The following PTPRM variants were observed in gnomAD, a reference collection of about 807,000 sequenced individuals.
The protein encoded by PTPRM is protein tyrosine phosphatase receptor type M.
PTPRM carries 47 observed loss-of-function variants against 186.7 expected under a neutral mutation model. That is an observed-to-expected ratio of 0.25 (90% CI 0.20 to 0.32). The LOEUF is 0.32. Ranked by LOEUF, PTPRM falls within the 10% of genes least tolerant of loss-of-function variation. The pLI, the probability that PTPRM is intolerant of heterozygous loss-of-function variation, is 1.00. For synonymous variants in PTPRM, 668 were observed against 674.9 expected (o/e 0.99, Z 0.16); for missense variants, 1,494 against 1,865.0 (o/e 0.80, Z 3.66).
At chr18:8,309,371 A>T (rs992711952) in intron 20 of PTPRM, among the ~76,000 whole-genome samples, 18 of 152,146 alleles carry the variant, frequency 1.2e-4, no homozygotes, top group African/African-American at 4.3e-4. Flanking sequence ...ATGGTATCTC[A>T]TTGTAAGCTG....
rs535183780 is a variant in PTPRM, at chr18:7,616,649, C to T, written c.73+48758C>T. Reference sequence around the variant, plus strand: ...CCCGGGCACCCCTCACTCGTGGGCCCGCCTCTTTCCTCTTTGTCTCCCATC... The same window carrying T: ...CCCGGGCACCCCTCACTCGTGGGCCTGCCTCTTTCCTCTTTGTCTCCCATC... On this transcript the variant is annotated intron_variant, in intron 1 of 32. Coordinates refer to ENST00000580170, the MANE Select transcript of PTPRM (RefSeq NM_001105244.2). Among the ~76,000 whole-genome samples the T allele has an allele frequency of 5.1e-4, 77 of 152,300 alleles. No homozygotes were observed. The East Asian group carries it at 6.4e-3, about 13-fold the overall frequency.
chr18:8,092,404 C>T (rs1421129100), intron 11 of PTPRM, among the ~76,000 whole-genome samples: 175 of 151,766 alleles, frequency 1.2e-3, no homozygotes, highest in Non-Finnish European at 1.9e-4. Context: ...AACTTTCTTT[C>T]ATTTATTTAT....
rs1388080849 is a variant in PTPRM, at chr18:7,567,965, T to C, written c.73+74T>C. The C allele has an allele frequency of 1.4e-6, 2 of 1,419,716 alleles. No individual in the cohort carries two copies. Among genetic ancestry groups the C allele is most frequent in the Non-Finnish European group, 1.9e-6 (2 of 1,077,724 alleles). The allele number at this position is 1,419,716 out of a possible 1,614,324, so 87.9% of individuals were successfully genotyped here. A position where few individuals can be genotyped will look rare whatever the true frequency, so the allele number is the denominator to read the frequency against. On this transcript the variant is annotated intron_variant, in intron 1 of 32. Coordinates refer to ENST00000580170, the MANE Select transcript of PTPRM (RefSeq NM_001105244.2). This position sits in a 1 kb window ranked among gnomAD's most constrained non-coding sequence, Gnocchi z 4.3. ...GACGCCCGGGACGCCGACAGCTCCCTGGTGGTAGAGCCCTAAGGCTGGCGT... is the reference window on the plus strand; with the variant it reads ...GACGCCCGGGACGCCGACAGCTCCCCGGTGGTAGAGCCCTAAGGCTGGCGT...
intron 1 of PTPRM, among the ~76,000 whole-genome samples, chr18:7,771,448 A>T (rs534702202): frequency 6.6e-6 from 1 of 152,350 alleles, no homozygotes; most frequent in African/African-American, 2.4e-5. Flanking sequence ...GAAAGTTGTT[A>T]GTATTACGCA....
intron 24 of PTPRM, among the ~76,000 whole-genome samples, chr18:8,373,152 C>A (rs1328426061): frequency 6.6e-6 from 1 of 152,164 alleles, no homozygotes; most frequent in African/African-American, 2.4e-5. Flanking sequence ...TTAAGGAAAA[C>A]AAATCATTAG....
chr18:7,817,629 CAT>C (rs1491254191), intron 2 of PTPRM, among the ~76,000 whole-genome samples: 1 of 107,044 alleles, frequency 9.3e-6, no homozygotes. Flanking sequence ...CTTTTTCTAT[CAT>C]ATTATTCCAT....
chr18:7,609,486 G>GGAATAGCA (rs1362643823), intron 1 of PTPRM, among the ~76,000 whole-genome samples: 2 of 151,534 alleles, frequency 1.3e-5, no homozygotes, highest in Non-Finnish European at 2.9e-5. Flanking sequence ...ATGAGATCAT[G>GGAATAGCA]GAATAGCAGT....
At chr18:8,181,891 T>A (rs1158189879) in intron 14 of PTPRM, among the ~76,000 whole-genome samples, 1 of 152,142 alleles carries the variant, frequency 6.6e-6, no homozygotes, top group Non-Finnish European at 1.5e-5. Flanking sequence ...AAAGAAAAAG[T>A]GGAACTCAAA....
chr18:7,703,824 G>A (rs1024073001), intron 1 of PTPRM, among the ~76,000 whole-genome samples: 1 of 151,908 alleles, frequency 6.6e-6, no homozygotes, highest in East Asian at 1.9e-4. Flanking sequence ...ATAAATAACT[G>A]TTACTATTTT....
intron 19 of PTPRM, among the ~76,000 whole-genome samples, chr18:8,295,407 G>C (rs1453316931): frequency 2.0e-5 from 2 of 98,964 alleles, no homozygotes; most frequent in Non-Finnish European, 4.2e-5. Context: ...GTTTGGGAGA[G>C]AACTGAGAGA....
At chr18:8,236,338 G>A (rs1267919880) in intron 14 of PTPRM, among the ~76,000 whole-genome samples, 1 of 152,008 alleles carries the variant, frequency 6.6e-6, no homozygotes, top group Non-Finnish European at 1.5e-5. Flanking sequence ...TTTATCCCTG[G>A]TAATTGTTTT....
intron 19 of PTPRM, among the ~76,000 whole-genome samples, chr18:8,265,956 T>C (rs1372213935): frequency 6.6e-6 from 1 of 152,174 alleles, no homozygotes; most frequent in Non-Finnish European, 1.5e-5. Flanking sequence ...GTTGGAGATC[T>C]GTGTGGGGAC....
intron 7 of PTPRM, among the ~76,000 whole-genome samples, chr18:8,054,011 G>A (rs1253618777): frequency 1.3e-5 from 2 of 151,918 alleles, no homozygotes; most frequent in East Asian, 1.9e-4. Context: ...TGCTATTTTT[G>A]TATAACTTGT....
intron 1 of PTPRM, among the ~76,000 whole-genome samples, chr18:7,644,762 G>A (rs1002915530): frequency 6.6e-6 from 1 of 152,152 alleles, no homozygotes; most frequent in Non-Finnish European, 1.5e-5. Flanking sequence ...TGAGGTTTAT[G>A]CAAGACAAAT....
intron 14 of PTPRM, among the ~76,000 whole-genome samples, chr18:8,153,471 T>G (rs1414151812): frequency 6.6e-6 from 1 of 152,234 alleles, no homozygotes; most frequent in Non-Finnish European, 1.5e-5. Context: ...ACATGATTAT[T>G]TACTAGATAA....
chr18:8,004,706 T>C (rs948780838), intron 7 of PTPRM, among the ~76,000 whole-genome samples: 2 of 152,236 alleles, frequency 1.3e-5, no homozygotes, highest in South Asian at 4.1e-4. Context: ...CAATTACTTT[T>C]GCACCAACCT....
At chr18:7,745,754 A>G (rs1406469707) in intron 1 of PTPRM, among the ~76,000 whole-genome samples, 1 of 152,232 alleles carries the variant, frequency 6.6e-6, no homozygotes. Flanking sequence ...GCATCTAGAA[A>G]AAGGAATTGA....
chr18:7,917,559 A>T (rs935606087), intron 4 of PTPRM, among the ~76,000 whole-genome samples: 1 of 152,122 alleles, frequency 6.6e-6, no homozygotes, highest in African/African-American at 2.4e-5. Flanking sequence ...TTTTTTATTG[A>T]TACATAATAT....
intron 3 of PTPRM, among the ~76,000 whole-genome samples, chr18:7,899,407 G>A (rs1355425688): frequency 6.6e-6 from 1 of 152,088 alleles, no homozygotes; most frequent in Non-Finnish European, 1.5e-5. Context: ...TTAGGGAGTA[G>A]CAAATTCACA....
Sources: gnomAD v4.1 joint callset for allele counts (sites outside exome capture counted in the v4.1 genomes callset) on GRCh38, gnomAD v4.1.1 for gene constraint, Gnocchi (gnomAD v3.1) non-coding constraint, MANE v1.5 for transcripts, NCBI Gene and HGNC (gene_info 2026-07-23, HGNC 2026-07-21) for gene names.